The following RANGAP1 variants were observed in gnomAD, a reference collection of about 807,000 sequenced individuals.
RANGAP1 encodes Ran GTPase activating protein 1, also known as ran GTPase-activating protein 1.
In RANGAP1, 38 loss-of-function variants were observed where a neutral mutation model predicts 63.5. The ratio of observed to expected loss-of-function variants is 0.60; its 90% CI spans 0.46 to 0.78. The LOEUF (loss-of-function observed/expected upper bound fraction) is 0.78. Among genes scored for constraint, RANGAP1 ranks in the 30% least tolerant of loss-of-function variants. The pLI is 0.00. For missense variants in RANGAP1, 630 were observed against 740.3 expected (o/e 0.85, Z 1.73); for synonymous variants, 329 against 310.5 (o/e 1.06, Z -0.63).
intron 4 of RANGAP1, among the ~76,000 whole-genome samples, chr22:41,267,496 T>C (rs1601658238): frequency 6.6e-6 from 1 of 152,126 alleles, no homozygotes; most frequent in African/African-American, 2.4e-5. Flanking sequence ...CCACCAGCCC[T>C]GCCCTCTTCC....
chr22:41,268,068 T>C (rs773566598), intron 4 of RANGAP1, 29 bp downstream of exon 4: 1 of 1,509,378 alleles, frequency 6.6e-7, no homozygotes, highest in East Asian at 2.4e-5. Flanking sequence ...GCCTTGCGCG[T>C]GGAGGGGAAG....
In RANGAP1 at chr22:41,258,054, G is replaced by A. The variant is rs779095439; in HGVS notation, c.668C>T (p.Pro223Leu). 1.5e-5 allele frequency: 24 copies of A among 1,613,494 alleles called. No homozygotes were observed. In the Admixed American group the frequency reaches 1.8e-4, roughly 12 times the overall value. The change falls in exon 7 of 16, where the codon CCT becomes CTT. Residue 223 changes from proline to leucine, a missense_variant. Physicochemically the swap from Pro to Leu is moderately conservative, Grantham distance 98 (BLOSUM62 -3). This residue lies in a region of RANGAP1 where 428 missense variants were observed against 465.5 expected (regional missense o/e 0.92). Transcript: ENST00000356244. ...VHMPQNGINH[P>L]GITALAQAFA... ...AGCCTGGGCCAGGGCAGTGATGCCA[G>A]GGTGGTTGATCCCATTCTGTGGCAT...
intron 3 of RANGAP1, among the ~76,000 whole-genome samples, chr22:41,270,876 C>T (rs2034773823): frequency 1.3e-5 from 2 of 152,172 alleles, no homozygotes; most frequent in Admixed American, 1.3e-4. Context: ...GCGCCACAGT[C>T]CCTCACAACA....
chr22:41,262,532 T>C (rs942715750), intron 5 of RANGAP1, among the ~76,000 whole-genome samples: 4 of 152,184 alleles, frequency 2.6e-5, no homozygotes, highest in African/African-American at 9.6e-5. Context: ...ACCCGGTAAG[T>C]ATTTAGCAAA....
At chr22:41,263,288 T>C (rs540961462) in intron 5 of RANGAP1, among the ~76,000 whole-genome samples, 1 of 152,166 alleles carries the variant, frequency 6.6e-6, no homozygotes, top group African/African-American at 2.4e-5. Context: ...TAGAATAGAG[T>C]CTCTGGCTCT....
chr22:41,277,549 G>GT, intron 2 of RANGAP1: 2 of 1,165,552 alleles, frequency 1.7e-6, no homozygotes, highest in Non-Finnish European at 2.3e-6. Context: ...ATAGAGATGG[G>GT]TATGGGAGAT....
intron 2 of RANGAP1, among the ~76,000 whole-genome samples, chr22:41,278,328 C>T (rs777582104): frequency 2.0e-5 from 3 of 152,126 alleles, no homozygotes; most frequent in East Asian, 3.9e-4. Context: ...CGTGAGCCAC[C>T]GCACCTGGCC....
At chr22:41,274,758 CT>C (rs1238373720) in intron 2 of RANGAP1, 31 bp from the exon 3 acceptor site, 1 of 1,611,848 alleles carries the variant, frequency 6.2e-7, no homozygotes, top group East Asian at 2.2e-5. Context: ...GAACCTTAGG[CT>C]TTTGGAATCA....
At chr22:41,293,192 G>A in the RANGAP1 span, among the ~76,000 whole-genome samples, 1 of 149,118 alleles carries the variant, frequency 6.7e-6, no homozygotes, top group Non-Finnish European at 1.5e-5. Context: ...CCGAGATCGC[G>A]CCACTGCACT....
chr22:41,264,614 G>A (rs1237053037), intron 5 of RANGAP1, 50 bp downstream of exon 5: 15 of 1,560,970 alleles, frequency 9.6e-6, no homozygotes, highest in African/African-American at 1.4e-5. Context: ...TATGTCAGAC[G>A]GATGTGGATG....
At chr22:41,264,516 C>A in intron 5 of RANGAP1, 148 bp downstream of exon 5, 3 of 1,074,056 alleles carry the variant, frequency 2.8e-6, no homozygotes, top group Non-Finnish European at 3.9e-6. Context: ...CTCTACCCTC[C>A]GGCCACAGGC....
chr22:41,295,796 CAG>C, the RANGAP1 span, among the ~76,000 whole-genome samples: 2 of 148,482 alleles, frequency 1.3e-5, no homozygotes, highest in South Asian at 4.3e-4. Flanking sequence ...CTGACCAAAA[CAG>C]GGAATAACCT....
intron 15 of RANGAP1, among the ~76,000 whole-genome samples, chr22:41,248,364 G>A (rs1485750943): frequency 4.0e-5 from 6 of 151,874 alleles, no homozygotes; most frequent in African/African-American, 1.5e-4. Context: ...GTAAGGCCTG[G>A]CTAAGGAGGC....
intron 5 of RANGAP1, among the ~76,000 whole-genome samples, chr22:41,262,264 A>C (rs2145746008): frequency 6.6e-6 from 1 of 152,310 alleles, no homozygotes; most frequent in Admixed American, 6.5e-5. Context: ...CATTAGGAAA[A>C]GCACTGAAAA....
the RANGAP1 span, among the ~76,000 whole-genome samples, chr22:41,292,765 A>G: frequency 9.5e-3 from 1,445 of 152,116 alleles, 29 homozygotes; most frequent in African/African-American, 0.033. Flanking sequence ...AAATAAATAA[A>G]TAATCCTCTT....
intron 2 of RANGAP1, among the ~76,000 whole-genome samples, chr22:41,277,004 CTG>C (rs902040018): frequency 1.4e-5 from 2 of 146,198 alleles, no homozygotes; most frequent in African/African-American, 5.1e-5. Flanking sequence ...AAAAAAAAGA[CTG>C]TGTTAGAAAT....
chr22:41,274,526 C>G, intron 3 of RANGAP1, 74 bp downstream of exon 3: 1 of 1,584,822 alleles, frequency 6.3e-7, no homozygotes, highest in East Asian at 2.2e-5. Flanking sequence ...AGACTGGACA[C>G]AGGCAGGGGT....
Position 41,245,705 on chromosome 22 carries a change from T to TC in RANGAP1, c.*897dup, listed in dbSNP as rs2032985417. ...GAAAGCATGGGGCAGTCACGGGTGC[T>TC]CAGGGAGGTCATACAGCATCTGCCC... is the stretch of plus-strand genomic sequence containing the variant. On this transcript the variant is annotated 3_prime_UTR_variant, in exon 16 of 16. Transcript: ENST00000356244. 2 of 152,342 alleles carry TC rather than the reference T, an allele frequency of 1.3e-5. No homozygotes were observed. 9.4% of individuals were successfully genotyped at this position (152,342 alleles called of 1,614,324 possible).
the RANGAP1 span, among the ~76,000 whole-genome samples, chr22:41,294,226 AT>A: frequency 6.6e-6 from 1 of 152,052 alleles, no homozygotes; most frequent in African/African-American, 2.4e-5. Context: ...TGGTTTTCGT[AT>A]TTTTTTGGTG....
Sources: gnomAD v4.1 joint callset for allele counts (sites outside exome capture counted in the v4.1 genomes callset) on GRCh38, gnomAD v4.1.1 for gene constraint, gnomAD v4.1.1 regional missense constraint, MANE v1.5 for transcripts, NCBI Gene and HGNC (gene_info 2026-07-23, HGNC 2026-07-21) for gene names.